The following PHLDB2 variants were observed in gnomAD, a reference collection of about 807,000 sequenced individuals.
The protein encoded by PHLDB2 is pleckstrin homology like domain family B member 2, also known as pleckstrin homology-like domain family B member 2.
In PHLDB2, 71 loss-of-function variants were observed where a neutral mutation model predicts 123.6. That is an observed-to-expected ratio of 0.57 (90% CI 0.47 to 0.70). PHLDB2 has a LOEUF of 0.70. PHLDB2 is among the 30% of genes least tolerant of loss of function. The pLI is 0.00. For synonymous variants in PHLDB2, 547 were observed against 541.6 expected (o/e 1.01, Z -0.14); for missense variants, 1,446 against 1,519.5 (o/e 0.95, Z 0.80).
At chr3:111,899,539 T>C (rs897070952) in intron 2 of PHLDB2, among the ~76,000 whole-genome samples, 1 of 152,180 alleles carries the variant, frequency 6.6e-6, no homozygotes, top group Admixed American at 6.5e-5. Context: ...TGTGGTGTCA[T>C]CTAGGCTTTG....
intron 1 of PHLDB2, among the ~76,000 whole-genome samples, chr3:111,788,453 C>A (rs73855621): frequency 3.6e-4 from 55 of 152,220 alleles, no homozygotes; most frequent in African/African-American, 1.3e-3. Context: ...AAGCATGTGT[C>A]AATATTATTT....
intron 1 of PHLDB2, among the ~76,000 whole-genome samples, chr3:111,734,664 A>G (rs1017690383): frequency 6.6e-6 from 1 of 152,182 alleles, no homozygotes; most frequent in South Asian, 2.1e-4. Flanking sequence ...TTGTTTTTCA[A>G]CGTTAGGTAG....
rs1213491091 is a variant in PHLDB2, at chr3:111,892,351, G to A, written c.1335+6939G>A. ...CTTTATAACTATATAATTTTAATCA[G>A]TAAGAGGCTGGGACCATACCTATCT... On this transcript the variant is annotated intron_variant, in intron 2 of 17. Coordinates refer to ENST00000431670, the MANE Select transcript of PHLDB2 (RefSeq NM_001134438.2). Among the ~76,000 whole-genome samples the A allele has an allele frequency of 2.0e-5, 3 of 152,162 alleles. No homozygotes were observed. The East Asian group carries it at 5.8e-4, about 29-fold the overall frequency.
At chr3:111,782,262 A>C (rs1013500843) in intron 1 of PHLDB2, among the ~76,000 whole-genome samples, 2 of 152,070 alleles carry the variant, frequency 1.3e-5, no homozygotes, top group Non-Finnish European at 2.9e-5. Context: ...TATACATGGA[A>C]CTTCCTATTC....
chr3:111,803,989 T>C (rs2061477313), intron 1 of PHLDB2, among the ~76,000 whole-genome samples: 2 of 149,174 alleles, frequency 1.3e-5, no homozygotes, highest in Non-Finnish European at 3.0e-5. Flanking sequence ...CCCTTTAAAC[T>C]CTTTATGTGC....
rs1487152553 is a variant in PHLDB2 at position 111,948,946 on chromosome 3, A to T, written c.2502A>T (p.Val834=). ...CCTCCTTTTAGGGCTATATCAGTGTAAATGAGATTAATGAGCCGTGTGGCA... is the reference window on the plus strand; with the variant it reads ...CCTCCTTTTAGGGCTATATCAGTGTTAATGAGATTAATGAGCCGTGTGGCA... ...PNTLKEGYIS[V]NEINEPCGNS... Residue 834 remains valine (V), a synonymous_variant, in exon 10 of 18, where the codon GTA becomes GTT. Coordinates refer to ENST00000431670, the MANE Select transcript of PHLDB2 (RefSeq NM_001134438.2). 1.2e-6 allele frequency: 2 copies of T among 1,614,018 alleles called. No individual in the cohort carries two copies. Among genetic ancestry groups the T allele is most frequent in the Non-Finnish European group, 8.5e-7 (1 of 1,179,948 alleles).
intron 1 of PHLDB2, among the ~76,000 whole-genome samples, chr3:111,829,252 G>A (rs1056705968): frequency 6.6e-6 from 1 of 151,824 alleles, no homozygotes. Flanking sequence ...AGAAGAACTG[G>A]GTGAAAGAGT....
intron 2 of PHLDB2, among the ~76,000 whole-genome samples, chr3:111,900,323 C>G (rs918427657): frequency 6.6e-6 from 1 of 152,216 alleles, no homozygotes; most frequent in African/African-American, 2.4e-5. Context: ...CACTTTTGGC[C>G]TATCTCATTT....
chr3:111,769,509 C>G (rs1305651613), intron 1 of PHLDB2, among the ~76,000 whole-genome samples: 1 of 152,188 alleles, frequency 6.6e-6, no homozygotes, highest in Non-Finnish European at 1.5e-5. Context: ...CAGTTTGTAG[C>G]TCAGATCAGG....
At chr3:111,818,764 A>C (rs1456360764) in intron 1 of PHLDB2, among the ~76,000 whole-genome samples, 1 of 152,136 alleles carries the variant, frequency 6.6e-6, no homozygotes, top group East Asian at 1.9e-4. Flanking sequence ...TTCTAAAAAA[A>C]TTCTGCCATT....
intron 1 of PHLDB2, among the ~76,000 whole-genome samples, chr3:111,830,963 A>G (rs560759944): frequency 0.064 from 1,855 of 28,772 alleles, 88 homozygotes; most frequent in South Asian, 0.17. Context: ...AAGAGAAAGA[A>G]AGAAAGAAAG....
At chr3:111,770,069 T>C (rs1183837181) in intron 1 of PHLDB2, among the ~76,000 whole-genome samples, 1 of 152,244 alleles carries the variant, frequency 6.6e-6, no homozygotes, top group Non-Finnish European at 1.5e-5. Context: ...AAGCAGGATC[T>C]TCAATTCATT....
intron 1 of PHLDB2, among the ~76,000 whole-genome samples, chr3:111,748,022 G>T (rs2059708569): frequency 6.6e-6 from 1 of 152,128 alleles, no homozygotes; most frequent in East Asian, 1.9e-4. Context: ...CAGGGTTCTT[G>T]GTTCCACAAT....
intron 2 of PHLDB2, among the ~76,000 whole-genome samples, chr3:111,905,009 AT>A (rs2067430658): frequency 6.6e-6 from 1 of 152,152 alleles, no homozygotes; most frequent in Non-Finnish European, 1.5e-5. Flanking sequence ...AACGGCAATG[AT>A]TTTTCCTATT....
chr3:111,884,025 CT>C (rs760159340), intron 1 of PHLDB2, 38 bp from the exon 2 acceptor site: 36 of 1,554,582 alleles, frequency 2.3e-5, no homozygotes, highest in Non-Finnish European at 3.0e-5. Flanking sequence ...CTTTTAAAAT[CT>C]TCTTTAAGGC....
intron 7 of PHLDB2, 142 bp downstream of exon 7, chr3:111,939,772 A>T (rs2069742396): frequency 1.4e-6 from 1 of 727,322 alleles, no homozygotes; most frequent in Non-Finnish European, 2.2e-6. Context: ...TCCAAATTAG[A>T]CAAATTGAGA....
chr3:111,917,199 T>G (rs1023005306), intron 3 of PHLDB2: 1 of 152,224 alleles, frequency 6.6e-6, no homozygotes, highest in African/African-American at 2.4e-5. Context: ...TAGATGGCAT[T>G]TATTGCTATA....
At chr3:111,850,674 G>A (rs901047927) in intron 2 of PHLDB2, among the ~76,000 whole-genome samples, 1 of 152,030 alleles carries the variant, frequency 6.6e-6, no homozygotes, top group African/African-American at 2.4e-5. Context: ...TGAGGCACGA[G>A]GATGGCTTGA....
At chr3:111,948,835 C>A in intron 9 of PHLDB2, 97 bp from the exon 10 acceptor site, 1 of 1,147,434 alleles carries the variant, frequency 8.7e-7, no homozygotes, top group South Asian at 1.5e-5. Context: ...CTGGCTGTGC[C>A]GCTCTAAGCT....
Sources: gnomAD v4.1 joint callset for allele counts (sites outside exome capture counted in the v4.1 genomes callset) on GRCh38, gnomAD v4.1.1 for gene constraint, MANE v1.5 for transcripts, NCBI Gene and HGNC (gene_info 2026-07-23, HGNC 2026-07-21) for gene names.